Variants in KSR2 observed in about 807,000 individuals in gnomAD.
The protein encoded by KSR2 is kinase suppressor of ras 2.
KSR2 carries 25 observed loss-of-function variants against 107.8 expected under a neutral mutation model. That is an observed-to-expected ratio of 0.23 (90% CI 0.17 to 0.32). KSR2 has a LOEUF of 0.32. Among genes scored for constraint, KSR2 ranks in the 10% least tolerant of loss-of-function variants. The pLI, the probability that KSR2 is intolerant of heterozygous loss-of-function variation, is 1.00. For synonymous variants in KSR2, 480 were observed against 507.0 expected (o/e 0.95, Z 0.71); for missense variants, 887 against 1,268.9 (o/e 0.70, Z 4.57).
intron 3 of KSR2, among the ~76,000 whole-genome samples, chr12:117,771,345 T>A (rs1707773542): frequency 6.6e-6 from 1 of 152,132 alleles, no homozygotes; most frequent in Non-Finnish European, 1.5e-5. Flanking sequence ...CCTGCTTGAG[T>A]TGTCCCGCCT....
At chr12:117,795,749 C>G (rs1890602191) in intron 3 of KSR2, among the ~76,000 whole-genome samples, 1 of 152,166 alleles carries the variant, frequency 6.6e-6, no homozygotes, top group South Asian at 2.1e-4. Context: ...CCGCCTCAAC[C>G]TCCCGAGTAG....
chr12:117,733,989 A>G (rs1887833959), intron 4 of KSR2, among the ~76,000 whole-genome samples: 1 of 152,116 alleles, frequency 6.6e-6, no homozygotes. Context: ...ATGAATGTCA[A>G]GAGACTACAC....
intron 1 of KSR2, among the ~76,000 whole-genome samples, chr12:117,894,336 C>T (rs1406610097): frequency 6.6e-6 from 1 of 152,072 alleles, no homozygotes; most frequent in Non-Finnish European, 1.5e-5. Context: ...TTATCATGAA[C>T]TTTTGTATTA....
chr12:117,600,193 A>C (rs181757096), intron 5 of KSR2, among the ~76,000 whole-genome samples: 27 of 152,326 alleles, frequency 1.8e-4, no homozygotes, highest in Admixed American at 1.3e-3. Context: ...AGACGGTCTG[A>C]TTGCAACCCT....
Position 117,667,462 on chromosome 12 carries a change from A to G in KSR2, c.1171+12T>C. On this transcript the variant is annotated intron_variant, in intron 5 of 19. Transcript: ENST00000339824. Reference sequence around the variant, plus strand: ...GCAAGCGTTCCCAGTGCAGCCCGGCAGGGTGACTTACTTGCAGAGAAGTTG... The same window carrying G: ...GCAAGCGTTCCCAGTGCAGCCCGGCGGGGTGACTTACTTGCAGAGAAGTTG... The G allele has an allele frequency of 6.2e-7, 1 of 1,606,764 alleles. No individual in the cohort carries two copies. Among genetic ancestry groups the G allele is most frequent in the Non-Finnish European group, 8.5e-7 (1 of 1,177,178 alleles).
At chr12:117,608,343 G>C (rs926353751) in intron 5 of KSR2, among the ~76,000 whole-genome samples, 4 of 152,186 alleles carry the variant, frequency 2.6e-5, no homozygotes, top group Non-Finnish European at 5.9e-5. Flanking sequence ...ACTGAACAAA[G>C]AAATGTGCAA....
intron 1 of KSR2, among the ~76,000 whole-genome samples, chr12:117,891,495 T>C (rs929082304): frequency 1.3e-5 from 2 of 151,928 alleles, no homozygotes; most frequent in African/African-American, 4.8e-5. Flanking sequence ...CCCAGGACTT[T>C]GGGAGGCAAA....
intron 7 of KSR2, among the ~76,000 whole-genome samples, chr12:117,567,623 T>C (rs2136206340): frequency 6.7e-6 from 1 of 148,842 alleles, no homozygotes. Context: ...GCTTTCCTTT[T>C]CCAGGTCACT....
chr12:117,681,731 A>G (rs762630338), intron 4 of KSR2, among the ~76,000 whole-genome samples: 1 of 152,198 alleles, frequency 6.6e-6, no homozygotes, highest in Non-Finnish European at 1.5e-5. Flanking sequence ...GAAGGGGTCC[A>G]GTTTCAGTTT....
chr12:117,596,938 T>C (rs758458765), intron 5 of KSR2, among the ~76,000 whole-genome samples: 24 of 152,214 alleles, frequency 1.6e-4, no homozygotes, highest in Non-Finnish European at 3.4e-4. Flanking sequence ...ATATCTTCCC[T>C]TCAAGTTACT....
chr12:117,534,896 G>A (rs1044059715), intron 10 of KSR2, among the ~76,000 whole-genome samples: 67 of 152,152 alleles, frequency 4.4e-4, no homozygotes, highest in African/African-American at 1.5e-3. Context: ...CTGGCAAAAG[G>A]CAAGGAGATG....
chr12:117,619,587 A>T (rs1403339754), intron 5 of KSR2, among the ~76,000 whole-genome samples: 1 of 151,732 alleles, frequency 6.6e-6, no homozygotes, highest in Non-Finnish European at 1.5e-5. Context: ...TATATGTGCC[A>T]CATTTTCTTA....
At chr12:117,890,018 A>T (rs1389260233) in intron 1 of KSR2, among the ~76,000 whole-genome samples, 1 of 152,188 alleles carries the variant, frequency 6.6e-6, no homozygotes, top group African/African-American at 2.4e-5. Flanking sequence ...AGATTGCTAG[A>T]ATCCCCCCAA....
At chr12:117,541,630 C>T (rs183854869) in intron 9 of KSR2, among the ~76,000 whole-genome samples, 4 of 152,208 alleles carry the variant, frequency 2.6e-5, no homozygotes, top group Admixed American at 1.3e-4. Context: ...TCATATGGAC[C>T]GGGTACCCAA....
At chr12:117,530,078 T>C (rs913814375) in intron 12 of KSR2, among the ~76,000 whole-genome samples, 1 of 152,092 alleles carries the variant, frequency 6.6e-6, no homozygotes, top group Admixed American at 6.6e-5. Flanking sequence ...TAAAATAATA[T>C]TCATAAAATG....
Position 117,694,842 on chromosome 12 carries a change from A to ATTCTACTTC in KSR2, c.987-27185_987-27184insGAAGTAGAA, listed in dbSNP as rs767530642. Among the ~76,000 whole-genome samples the ATTCTACTTC allele has an allele frequency of 8.8e-5, 6 of 68,330 alleles. 1 individual carries two copies. The highest frequency in any genetic ancestry group is 5.3e-5 in the Non-Finnish European group (2 of 37,880). The allele number at this position is 68,330 out of a possible 152,430, so 44.8% of individuals were successfully genotyped here. On this transcript the variant is annotated intron_variant, in intron 4 of 19. Coordinates refer to ENST00000339824, the MANE Select transcript of KSR2 (RefSeq NM_173598.6). Reference sequence around the variant, plus strand: ...GTGACAAAAGGACAAATGTTGTATGATTCTTTTTTTTTTTTTTTTTTTTTT... The same window carrying ATTCTACTTC: ...GTGACAAAAGGACAAATGTTGTATGATTCTACTTCTTCTTTTTTTTTTTTTTTTTTTTTT...
At chr12:117,641,825 T>C (rs7968987) in intron 5 of KSR2, among the ~76,000 whole-genome samples, 46,565 of 151,940 alleles carry the variant, frequency 0.31, 9,311 homozygotes, top group African/African-American at 0.57. Context: ...CGAAGGCTTG[T>C]GAGCTTCCCT....
intron 2 of KSR2, among the ~76,000 whole-genome samples, chr12:117,857,135 T>C (rs1261709026): frequency 6.6e-6 from 1 of 152,158 alleles, no homozygotes; most frequent in Non-Finnish European, 1.5e-5. Flanking sequence ...CATATCTCAC[T>C]GCAGCCTCAA....
intron 4 of KSR2, among the ~76,000 whole-genome samples, chr12:117,745,715 TA>T (rs1302387127): frequency 6.6e-6 from 1 of 152,130 alleles, no homozygotes; most frequent in East Asian, 1.9e-4. Context: ...CTTAAGCTTA[TA>T]AACAACTTCA....
Sources: gnomAD v4.1 joint callset for allele counts (sites outside exome capture counted in the v4.1 genomes callset) on GRCh38, gnomAD v4.1.1 for gene constraint, MANE v1.5 for transcripts, NCBI Gene and HGNC (gene_info 2026-07-23, HGNC 2026-07-21) for gene names.